Variants in MDGA2 observed in about 807,000 individuals in gnomAD.
The protein encoded by MDGA2 is MAM domain-containing glycosylphosphatidylinositol anchor protein 2.
MDGA2 carries 40 observed loss-of-function variants against 117.8 expected under a neutral mutation model. That is an observed-to-expected ratio of 0.34 (90% CI 0.26 to 0.44). The LOEUF is 0.44. Among genes scored for constraint, MDGA2 ranks in the 20% least tolerant of loss-of-function variants. MDGA2 has a pLI of 1.00. For synonymous variants in MDGA2, 452 were observed against 439.0 expected (o/e 1.03, Z -0.37); for missense variants, 1,123 against 1,250.6 (o/e 0.90, Z 1.54).
At chr14:47,434,395 T>C (rs1892857737) in intron 1 of MDGA2, among the ~76,000 whole-genome samples, 1 of 152,126 alleles carries the variant, frequency 6.6e-6, no homozygotes, top group Non-Finnish European at 1.5e-5. Flanking sequence ...CTCATAGAAC[T>C]AGGATAATTT....
intron 8 of MDGA2, among the ~76,000 whole-genome samples, chr14:46,968,774 T>A (rs2138318756): frequency 6.6e-6 from 1 of 151,146 alleles, no homozygotes; most frequent in Non-Finnish European, 1.5e-5. Context: ...GAGGCAGAGG[T>A]TGCAGTGAGC....
chr14:47,096,708 A>G (rs977577501), intron 6 of MDGA2, 146 bp downstream of exon 6: 1 of 809,126 alleles, frequency 1.2e-6, no homozygotes, highest in Non-Finnish European at 2.0e-6. Flanking sequence ...ACTTATAATT[A>G]CCCACCATTA....
Position 46,918,760 on chromosome 14 carries a change from C to CTTTTTTT in MDGA2, c.2238+1245_2238+1251dup, listed in dbSNP as rs34958634. Among the ~76,000 whole-genome samples, 419 of 124,726 alleles carry CTTTTTTT rather than the reference C, an allele frequency of 3.4e-3. 11 individuals carry two copies. Among genetic ancestry groups the CTTTTTTT allele is most frequent in the African/African-American group, 0.013 (401 of 29,806 alleles). The allele number at this position is 124,726 out of a possible 152,430, so 81.8% of individuals were successfully genotyped here. ...TAAGAATATGCTACATACAGTGTAT[C>CTTTTTTT]TTTTTTTTTTTTTTTTTGGAATCGG... On this transcript the variant is annotated intron_variant, in intron 10 of 16. Transcript: ENST00000399232.
chr14:46,882,625 A>G (rs548900186), intron 10 of MDGA2, among the ~76,000 whole-genome samples: 2 of 151,830 alleles, frequency 1.3e-5, no homozygotes, highest in South Asian at 4.1e-4. Context: ...CTGTTCCCAT[A>G]TATTATGGGC....
chr14:47,046,802 A>G (rs1385954029), intron 7 of MDGA2, among the ~76,000 whole-genome samples: 1 of 152,036 alleles, frequency 6.6e-6, no homozygotes. Context: ...CCAAATTCCT[A>G]CAGTTCTTAT....
intron 8 of MDGA2, among the ~76,000 whole-genome samples, chr14:47,023,280 G>C (rs1454686588): frequency 6.6e-6 from 1 of 151,420 alleles, no homozygotes; most frequent in South Asian, 2.1e-4. Context: ...AAGGGAAAGA[G>C]ATCAAAGGTT....
intron 12 of MDGA2, among the ~76,000 whole-genome samples, chr14:46,876,542 A>T (rs1348160350): frequency 6.6e-6 from 1 of 151,596 alleles, no homozygotes; most frequent in Non-Finnish European, 1.5e-5. Flanking sequence ...TGAATTTTCC[A>T]CTGGTTTTCT....
intron 1 of MDGA2, 29 bp downstream of exon 1, chr14:47,674,488 G>A: frequency 2.0e-6 from 3 of 1,537,538 alleles, no homozygotes; most frequent in Non-Finnish European, 1.8e-6. Flanking sequence ...AGAATCACAA[G>A]GTCACGATAG....
chr14:47,649,550 A>G (rs1897598424), intron 1 of MDGA2, among the ~76,000 whole-genome samples: 1 of 152,036 alleles, frequency 6.6e-6, no homozygotes, highest in African/African-American at 2.4e-5. Flanking sequence ...CTGAGCATGG[A>G]GACACGTGCC....
At chr14:47,228,056 C>T (rs757225536) in intron 2 of MDGA2, among the ~76,000 whole-genome samples, 11 of 152,152 alleles carry the variant, frequency 7.2e-5, no homozygotes, top group East Asian at 5.8e-4. Flanking sequence ...TTTCCCATCT[C>T]GATTACTGGT....
At chr14:47,087,868 T>C (rs1429866947) in intron 6 of MDGA2, among the ~76,000 whole-genome samples, 6 of 151,488 alleles carry the variant, frequency 4.0e-5, no homozygotes, top group Non-Finnish European at 8.8e-5. Context: ...GAAATGTTAA[T>C]ATTTGAATAA....
chr14:47,024,306 C>T (rs908598470), intron 8 of MDGA2, among the ~76,000 whole-genome samples: 2 of 152,160 alleles, frequency 1.3e-5, no homozygotes, highest in Non-Finnish European at 2.9e-5. Flanking sequence ...CTATATTCAT[C>T]ATTTTATGTT....
At chr14:47,598,923 GAACT>G (rs1896595091) in intron 1 of MDGA2, among the ~76,000 whole-genome samples, 1 of 152,048 alleles carries the variant, frequency 6.6e-6, no homozygotes, top group African/African-American at 2.4e-5. Context: ...ATAATTAGGA[GAACT>G]AACTGATATG....
intron 9 of MDGA2, among the ~76,000 whole-genome samples, chr14:46,953,675 AT>A (rs979859026): frequency 6.6e-6 from 1 of 152,024 alleles, no homozygotes; most frequent in African/African-American, 2.4e-5. Context: ...GCCCATAAAC[AT>A]TTCAGTAAAA....
At chr14:47,288,587 C>T (rs191692197) in intron 2 of MDGA2, among the ~76,000 whole-genome samples, 1 of 151,952 alleles carries the variant, frequency 6.6e-6, no homozygotes, top group Admixed American at 6.6e-5. Context: ...CAAGAAGGGG[C>T]CAGGTTGTAG....
chr14:47,149,778 T>C (rs1883092036), intron 3 of MDGA2, among the ~76,000 whole-genome samples: 1 of 152,214 alleles, frequency 6.6e-6, no homozygotes, highest in Non-Finnish European at 1.5e-5. Context: ...TCTTGTATCA[T>C]GGTGGAATGT....
chr14:47,285,561 T>G (rs1216190077), intron 2 of MDGA2, among the ~76,000 whole-genome samples: 1 of 152,054 alleles, frequency 6.6e-6, no homozygotes, highest in Non-Finnish European at 1.5e-5. Flanking sequence ...ATGTAGAGGG[T>G]TTAAAGCTAG....
intron 1 of MDGA2, among the ~76,000 whole-genome samples, chr14:47,408,635 A>G (rs894072243): frequency 6.6e-6 from 1 of 152,236 alleles, no homozygotes; most frequent in Non-Finnish European, 1.5e-5. Flanking sequence ...TGAATAAGCT[A>G]GGAAGTCTAT....
At chr14:47,380,073 C>G (rs1891578031) in intron 1 of MDGA2, among the ~76,000 whole-genome samples, 1 of 152,164 alleles carries the variant, frequency 6.6e-6, no homozygotes, top group Non-Finnish European at 1.5e-5. Context: ...GAAACTCACT[C>G]AAAACTGCTC....
Sources: gnomAD v4.1 joint callset for allele counts (sites outside exome capture counted in the v4.1 genomes callset) on GRCh38, gnomAD v4.1.1 for gene constraint, MANE v1.5 for transcripts, NCBI Gene and HGNC (gene_info 2026-07-23, HGNC 2026-07-21) for gene names.